The following KLHL22 variants were observed in gnomAD, a reference collection of about 807,000 sequenced individuals.
The protein encoded by KLHL22 is kelch like family member 22.
In KLHL22, 18 loss-of-function variants were observed where a neutral mutation model predicts 60.7. That is an observed-to-expected ratio of 0.30 (90% confidence interval 0.20 to 0.44). The LOEUF (loss-of-function observed/expected upper bound fraction) is 0.44. KLHL22 is among the 20% of genes least tolerant of loss of function. The pLI is 1.00. For synonymous variants in KLHL22, 355 were observed against 354.5 expected (o/e 1.00, Z -0.01); for missense variants, 596 against 852.3 (o/e 0.70, Z 3.74).
At chr22:20,487,249 G>A (rs1320449303) in intron 2 of KLHL22, among the ~76,000 whole-genome samples, 2 of 147,984 alleles carry the variant, frequency 1.4e-5, no homozygotes, top group Non-Finnish European at 3.0e-5. Flanking sequence ...ACAGGGTCTT[G>A]CTCTGTCACC....
At chr22:20,456,130 G>A (rs2053058960) in intron 5 of KLHL22, 1 of 152,104 alleles carries the variant, frequency 6.6e-6, no homozygotes, top group African/African-American at 2.4e-5. Flanking sequence ...TCCTCAGATG[G>A]ACATTCCCCA....
chr22:20,490,341 T>C (rs987646587), intron 1 of KLHL22, among the ~76,000 whole-genome samples: 1 of 152,212 alleles, frequency 6.6e-6, no homozygotes, highest in African/African-American at 2.4e-5. Context: ...TACACAAACC[T>C]AGGTGGTAGA....
chr22:20,486,768 G>A (rs112326480), intron 2 of KLHL22, among the ~76,000 whole-genome samples: 6,082 of 150,780 alleles, frequency 0.04, 198 homozygotes, highest in Middle Eastern at 0.082. Context: ...TGCAACCTCC[G>A]CCTCCCGGGT....
At chr22:20,455,453 T>C (rs1009418268) in intron 5 of KLHL22, among the ~76,000 whole-genome samples, 1 of 152,212 alleles carries the variant, frequency 6.6e-6, no homozygotes, top group African/African-American at 2.4e-5. Context: ...TCTCCTGCCC[T>C]GGAAGGTCCT....
intron 2 of KLHL22, among the ~76,000 whole-genome samples, chr22:20,472,504 T>C (rs1352559832): frequency 6.6e-6 from 1 of 152,062 alleles, no homozygotes; most frequent in East Asian, 1.9e-4. Flanking sequence ...GGCGGGCAGA[T>C]CACCTGAGGT....
chr22:20,484,965 T>A (rs1421627750), intron 2 of KLHL22, among the ~76,000 whole-genome samples: 1 of 152,082 alleles, frequency 6.6e-6, no homozygotes, highest in East Asian at 1.9e-4. Flanking sequence ...GGCATTGGAG[T>A]CTTTTCATAA....
intron 5 of KLHL22, among the ~76,000 whole-genome samples, chr22:20,454,264 G>A (rs13056471): frequency 6.6e-6 from 1 of 152,138 alleles, no homozygotes; most frequent in South Asian, 2.1e-4. Flanking sequence ...GGGAGGCAGA[G>A]GTTGCAGTGA....
intron 3 of KLHL22, 82 bp downstream of exon 3, chr22:20,471,268 C>T: frequency 5.2e-6 from 7 of 1,352,084 alleles, no homozygotes; most frequent in Non-Finnish European, 6.1e-6. Flanking sequence ...CAAGCCAATG[C>T]TAGTGCCCGG....
At chr22:20,451,060 A>C (rs2052969452) in intron 5 of KLHL22, 1 of 1,490,704 alleles carries the variant, frequency 6.7e-7, no homozygotes, top group Non-Finnish European at 9.4e-7. Context: ...TTTGCCAAGC[A>C]TCACTTGTAA....
rs1307418607 is a variant in KLHL22 at position 20,494,080 on chromosome 22, C to A, written c.-34+1680G>T. Among the ~76,000 whole-genome samples the A allele has an allele frequency of 6.1e-5, 7 of 114,902 alleles. No individual in the cohort carries two copies. In the Admixed American group the frequency reaches 6.2e-4, roughly 10 times the overall value. The allele number at this position is 114,902 out of a possible 152,430, so 75.4% of individuals were successfully genotyped here. On this transcript the variant is annotated intron_variant, in intron 1 of 6. Transcript: ENST00000328879. Reference sequence around the variant, plus strand: ...GGCGACAGAGCCAGACTTTGCCCCCCCCCCAAAAAAAAAAGTGCAAAGTAG... The same window carrying A: ...GGCGACAGAGCCAGACTTTGCCCCCACCCCAAAAAAAAAAGTGCAAAGTAG...
chr22:20,461,349 C>T (rs191979070), intron 4 of KLHL22, among the ~76,000 whole-genome samples: 76 of 151,692 alleles, frequency 5.0e-4, no homozygotes, highest in Admixed American at 2.3e-3. Context: ...GTCAGGAGAT[C>T]AAGACCATCC....
At chr22:20,462,216 G>T (rs2146210042) in intron 4 of KLHL22, among the ~76,000 whole-genome samples, 1 of 147,566 alleles carries the variant, frequency 6.8e-6, no homozygotes, top group South Asian at 2.1e-4. Flanking sequence ...GGCAGAGGTT[G>T]CAGTGAGCCG....
intron 6 of KLHL22, among the ~76,000 whole-genome samples, chr22:20,442,900 T>C (rs565923209): frequency 1.4e-4 from 22 of 152,260 alleles, no homozygotes; most frequent in African/African-American, 4.6e-4. Context: ...ACACAGGCAG[T>C]AGGACAGGGG....
At position 20,457,798 on chromosome 22, in the gene KLHL22, G is replaced by A. The variant is rs1157348056; in HGVS notation, c.1305+10C>T. The A allele has an allele frequency of 6.3e-7, 1 of 1,580,444 alleles. No individual in the cohort carries two copies. Among genetic ancestry groups the A allele is most frequent in the Admixed American group, 1.8e-5 (1 of 55,010 alleles). On this transcript the variant is annotated intron_variant, in intron 5 of 6. Coordinates refer to ENST00000328879, the MANE Select transcript of KLHL22 (RefSeq NM_032775.4). The stretch of plus-strand genomic sequence containing the variant: ...GGCAGGAGAAGGCCCCTCTTCGAGG[G>A]CTTCCTTACCTCCCTCTTGAGTGGG...
In KLHL22 at chr22:20,480,443, AGAGT is replaced by A. The variant is rs570326838; in HGVS notation, c.227+8538_227+8541del. On this transcript the variant is annotated intron_variant, in intron 2 of 6. Transcript: ENST00000328879. The stretch of plus-strand genomic sequence containing the variant: ...CAGCACGGAACACTCCACAGCACAG[AGAGT>A]GAGGGCCATCTCTACTGCTGGTGCC... Among the ~76,000 whole-genome samples the A allele has an allele frequency of 3.2e-4, 49 of 152,274 alleles. 1 individual carries two copies. The South Asian group carries it at 0.01, about 32-fold the overall frequency.
chr22:20,478,723 C>T (rs977228676), intron 2 of KLHL22, among the ~76,000 whole-genome samples: 6 of 148,514 alleles, frequency 4.0e-5, no homozygotes, highest in African/African-American at 1.2e-4. Flanking sequence ...ACAGTGTTAG[C>T]CAGGATGGTC....
intron 2 of KLHL22, among the ~76,000 whole-genome samples, chr22:20,476,005 A>G (rs2053406200): frequency 6.6e-6 from 1 of 152,224 alleles, no homozygotes; most frequent in Non-Finnish European, 1.5e-5. Context: ...TGCCCCAAAT[A>G]AACCCTCTTG....
At chr22:20,476,538 C>T (rs546997606) in intron 2 of KLHL22, among the ~76,000 whole-genome samples, 7 of 149,306 alleles carry the variant, frequency 4.7e-5, no homozygotes, top group East Asian at 3.9e-4. Context: ...CTCAGCCTCC[C>T]GAGTAGCTGG....
chr22:20,443,353 C>A (rs1476688973), intron 6 of KLHL22, among the ~76,000 whole-genome samples: 9 of 148,544 alleles, frequency 6.1e-5, no homozygotes, highest in South Asian at 2.1e-4. Flanking sequence ...TACAAGAATA[C>A]AAAAAAAAAA....
Sources: allele counts gnomAD v4.1 joint callset (sites outside exome capture counted in the v4.1 genomes callset), GRCh38; gene constraint gnomAD v4.1.1; transcripts MANE v1.5; gene names NCBI Gene and HGNC (gene_info 2026-07-23, HGNC 2026-07-21).